Variants in C1QTNF7 observed in about 807,000 individuals in gnomAD.
C1QTNF7 encodes the protein complement C1q tumor necrosis factor-related protein 7.
C1QTNF7 carries 15 observed loss-of-function variants against 19.6 expected under a neutral mutation model. The observed-to-expected ratio is 0.76, with a 90% CI of 0.51 to 1.18. The LOEUF (loss-of-function observed/expected upper bound fraction) is 1.18. Among genes scored for constraint, C1QTNF7 ranks in the 50% most tolerant of loss-of-function variants. The pLI is 0.00. For missense variants in C1QTNF7, 324 were observed against 359.7 expected, an observed-to-expected ratio of 0.90 and a Z score of 0.80; for synonymous variants, 142 against 137.5, an observed-to-expected ratio of 1.03 and a Z score of -0.23.
intron 1 of C1QTNF7, among the ~76,000 whole-genome samples, chr4:15,402,391 C>A (rs1022571592): frequency 1.2e-4 from 19 of 152,128 alleles, no homozygotes; most frequent in African/African-American, 4.6e-4. Flanking sequence ...TCTAGCATAG[C>A]AAGACATGAA....
At chr4:15,396,526 G>T (rs1718788226) in intron 1 of C1QTNF7, among the ~76,000 whole-genome samples, 1 of 152,134 alleles carries the variant, frequency 6.6e-6, no homozygotes, top group East Asian at 1.9e-4. Context: ...GCACCAAGCA[G>T]CATATCATAT....
Position 15,391,085 on chromosome 4 carries a change from C to T in C1QTNF7, c.14-44651C>T, listed in dbSNP as rs546733045. 2.0e-4 allele frequency among the ~76,000 whole-genome samples: 30 copies of T among 151,764 alleles called. No individual in the cohort carries two copies. In the South Asian group the frequency reaches 6.0e-3, roughly 31 times the overall value. ...TAATTAAAGTCTGGGGGTAGATCTT[C>T]TGACTTCATGTTGTGTTGAATCCAG... is the stretch of plus-strand genomic sequence containing the variant. On this transcript the variant is annotated intron_variant, in intron 1 of 2. Transcript: ENST00000295297.
intron 1 of C1QTNF7, among the ~76,000 whole-genome samples, chr4:15,406,822 G>C (rs977514656): frequency 1.3e-5 from 2 of 152,112 alleles, no homozygotes; most frequent in African/African-American, 2.4e-5. Context: ...AATCTTTAAA[G>C]GGGGAAAGAG....
intron 1 of C1QTNF7, among the ~76,000 whole-genome samples, chr4:15,345,015 A>T (rs1344748759): frequency 1.3e-5 from 2 of 152,206 alleles, no homozygotes; most frequent in African/African-American, 4.8e-5. Context: ...GAGAGCAGAG[A>T]TAAATTTATC....
intron 1 of C1QTNF7, among the ~76,000 whole-genome samples, chr4:15,360,400 T>C (rs1162148303): frequency 1.3e-5 from 2 of 152,354 alleles, no homozygotes; most frequent in Admixed American, 1.3e-4. Context: ...GTTTTACGTA[T>C]GCTTACGTTT....
chr4:15,390,549 G>A (rs1244644693), intron 1 of C1QTNF7, among the ~76,000 whole-genome samples: 1 of 152,196 alleles, frequency 6.6e-6, no homozygotes, highest in Non-Finnish European at 1.5e-5. Context: ...AAGCGAGATG[G>A]TCCACCTTGC....
chr4:15,375,119 A>ACT (rs1168415397), intron 1 of C1QTNF7, among the ~76,000 whole-genome samples: 1 of 151,950 alleles, frequency 6.6e-6, no homozygotes, highest in East Asian at 1.9e-4. Context: ...GTGTCTCTGT[A>ACT]ACCCTACTCT....
At chr4:15,389,664 C>A (rs1003415651) in intron 1 of C1QTNF7, among the ~76,000 whole-genome samples, 25 of 152,138 alleles carry the variant, frequency 1.6e-4, no homozygotes, top group African/African-American at 6.0e-4. Flanking sequence ...CGTGATCCAC[C>A]TACCTCGGCC....
chr4:15,414,523 C>T (rs1304584133), intron 1 of C1QTNF7, among the ~76,000 whole-genome samples: 2 of 151,518 alleles, frequency 1.3e-5, no homozygotes, highest in Non-Finnish European at 2.9e-5. Context: ...CCATTCAACA[C>T]ATTATTAACT....
At chr4:15,437,355 T>C (rs1229522337) in intron 2 of C1QTNF7, among the ~76,000 whole-genome samples, 1 of 151,998 alleles carries the variant, frequency 6.6e-6, no homozygotes, top group Non-Finnish European at 1.5e-5. Context: ...ATAAGGGTGA[T>C]TGTTAAGTTT....
intron 1 of C1QTNF7, among the ~76,000 whole-genome samples, chr4:15,353,485 A>G (rs1420593985): frequency 6.6e-6 from 1 of 152,202 alleles, no homozygotes; most frequent in Non-Finnish European, 1.5e-5. Context: ...CACCCATAAA[A>G]TACAAATACC....
intron 1 of C1QTNF7, among the ~76,000 whole-genome samples, chr4:15,412,037 C>T (rs1719421212): frequency 6.6e-6 from 1 of 152,054 alleles, no homozygotes; most frequent in Non-Finnish European, 1.5e-5. Context: ...AGATCAGCAA[C>T]AACATTATAT....
chr4:15,420,000 A>G (rs577612930), intron 1 of C1QTNF7: 1 of 152,184 alleles, frequency 6.6e-6, no homozygotes, highest in East Asian at 1.9e-4. Context: ...CAAGAAATCT[A>G]TCTATTAATA....
chr4:15,374,578 C>T (rs1231074595), intron 1 of C1QTNF7: 2 of 985,304 alleles, frequency 2.0e-6, no homozygotes, highest in African/African-American at 1.7e-5. Context: ...TGCCCGCTCC[C>T]TCTCTCTGCC....
intron 1 of C1QTNF7, among the ~76,000 whole-genome samples, chr4:15,383,845 T>C (rs183382641): frequency 4.1e-4 from 62 of 152,350 alleles, no homozygotes; most frequent in Non-Finnish European, 6.9e-4. Flanking sequence ...TGCATGGTGT[T>C]AGAGGTGGCT....
At chr4:15,366,928 T>G (rs891956818) in intron 1 of C1QTNF7, among the ~76,000 whole-genome samples, 1 of 152,152 alleles carries the variant, frequency 6.6e-6, no homozygotes, top group Non-Finnish European at 1.5e-5. Flanking sequence ...AAGATAGTGA[T>G]GATTGTGAAA....
At chr4:15,347,704 T>A (rs1040163227) in intron 1 of C1QTNF7, among the ~76,000 whole-genome samples, 2 of 152,152 alleles carry the variant, frequency 1.3e-5, no homozygotes, top group African/African-American at 4.8e-5. Flanking sequence ...GAATCAGATA[T>A]TTTCCAGGGC....
At chr4:15,375,005 A>T (rs1218266584) in intron 1 of C1QTNF7, among the ~76,000 whole-genome samples, 1 of 151,822 alleles carries the variant, frequency 6.6e-6, no homozygotes, top group Non-Finnish European at 1.5e-5. Flanking sequence ...GGGAAGGGTT[A>T]GTTTTGAAAA....
chr4:15,412,834 C>G (rs919209851), intron 1 of C1QTNF7, among the ~76,000 whole-genome samples: 11 of 152,214 alleles, frequency 7.2e-5, no homozygotes, highest in Admixed American at 6.5e-4. Context: ...TTCCAGCAAT[C>G]TCAACGAGTG....
Sources: allele counts gnomAD v4.1 joint callset (sites outside exome capture counted in the v4.1 genomes callset), GRCh38; gene constraint gnomAD v4.1.1; transcripts MANE v1.5; gene names NCBI Gene and HGNC (gene_info 2026-07-23, HGNC 2026-07-21).